Variants in OR51B5 observed in about 807,000 individuals in gnomAD.
OR51B5 encodes olfactory receptor 51B5.
For missense variants in OR51B5, 456 were observed against 374.6 expected (o/e 1.22, Z -1.79); for synonymous variants, 186 against 144.8 (o/e 1.28, Z -2.04).
At chr11:5,383,321 G>A (rs1034312037) in intron 1 of OR51B5, among the ~76,000 whole-genome samples, 2 of 152,064 alleles carry the variant, frequency 1.3e-5, no homozygotes, top group Non-Finnish European at 2.9e-5. Flanking sequence ...CAGAGATGGA[G>A]GGCAATTTAA....
chr11:5,383,324 C>T (rs369786952), intron 1 of OR51B5, among the ~76,000 whole-genome samples: 11 of 152,070 alleles, frequency 7.2e-5, no homozygotes, highest in Non-Finnish European at 1.6e-4. Context: ...AGATGGAGGG[C>T]AATTTAATTA....
At chr11:5,383,297 G>A (rs142648651) in intron 1 of OR51B5, among the ~76,000 whole-genome samples, 48 of 152,278 alleles carry the variant, frequency 3.2e-4, no homozygotes, top group African/African-American at 1.1e-3. Context: ...TAGGTCCAAA[G>A]ATATAGAGGC....
intron 1 of OR51B5, among the ~76,000 whole-genome samples, chr11:5,382,476 C>T (rs1047953169): frequency 6.6e-6 from 1 of 152,160 alleles, no homozygotes; most frequent in Non-Finnish European, 1.5e-5. Context: ...GTGATAGATG[C>T]CCCTGAATAA....
At chr11:5,378,031 G>A (rs915637874) in intron 1 of OR51B5, among the ~76,000 whole-genome samples, 10 of 89,138 alleles carry the variant, frequency 1.1e-4, no homozygotes, top group African/African-American at 1.9e-4. Context: ...GAACAAAGCT[G>A]GAGGCATCAG....
At chr11:5,469,609 C>T (rs1331406281) in intron 1 of OR51B5, among the ~76,000 whole-genome samples, 1 of 152,182 alleles carries the variant, frequency 6.6e-6, no homozygotes, top group Non-Finnish European at 1.5e-5. Context: ...TATAGCCTGG[C>T]AGCACCCTTA....
intron 1 of OR51B5, among the ~76,000 whole-genome samples, chr11:5,420,296 T>C (rs974205850): frequency 6.6e-6 from 1 of 152,222 alleles, no homozygotes; most frequent in East Asian, 1.9e-4. Flanking sequence ...CTTATTTGCA[T>C]AGCATGTTGT....
intron 1 of OR51B5, among the ~76,000 whole-genome samples, chr11:5,350,566 A>T (rs1849064006): frequency 6.6e-6 from 1 of 152,134 alleles, no homozygotes; most frequent in South Asian, 2.1e-4. Flanking sequence ...CACTTTTGTC[A>T]AATCCCATCA....
At chr11:5,455,211 A>G (rs541366351) in intron 1 of OR51B5, 1 of 152,280 alleles carries the variant, frequency 6.6e-6, no homozygotes, top group East Asian at 1.9e-4. Flanking sequence ...GAAATATCTG[A>G]CTCATAGAAT....
At chr11:5,454,546 A>T in intron 1 of OR51B5, 1 of 792,638 alleles carries the variant, frequency 1.3e-6, no homozygotes, top group Non-Finnish European at 2.0e-6. Flanking sequence ...AGGCCAGGAG[A>T]TGGTGATGCA....
chr11:5,356,075 T>G (rs1388933520), intron 1 of OR51B5, among the ~76,000 whole-genome samples: 1 of 151,974 alleles, frequency 6.6e-6, no homozygotes, highest in African/African-American at 2.4e-5. Context: ...GTGCCTCTCC[T>G]CCTCCAAAGG....
At chr11:5,375,097 C>T (rs1376279951) in intron 1 of OR51B5, among the ~76,000 whole-genome samples, 1 of 150,092 alleles carries the variant, frequency 6.7e-6, no homozygotes, top group Non-Finnish European at 1.5e-5. Context: ...GGTCGGGTTA[C>T]CCACAAAGGG....
chr11:5,504,508 C>T lies in OR51B5; in HGVS notation n.84+1061G>A, dbSNP rs1354003279. Among the ~76,000 whole-genome samples, 5 of 152,170 alleles carry T rather than the reference C, an allele frequency of 3.3e-5. No individual in the cohort carries two copies. In the East Asian group the frequency reaches 7.7e-4, roughly 23 times the overall value. ...ACTCAGATTTGATCTTGGGCCATGG[C>T]TGATAGAGTGTAAGAACAGGGACAG... On this transcript the variant is annotated intron_variant and non_coding_transcript_variant, in intron 1 of 4. Transcript: ENST00000415970.
chr11:5,474,106 T>A (rs886795478), intron 1 of OR51B5, among the ~76,000 whole-genome samples: 16 of 152,314 alleles, frequency 1.1e-4, no homozygotes, highest in Admixed American at 9.8e-4. Context: ...AAATAATTAC[T>A]ATTTATTGAT....
At chr11:5,358,174 A>C (rs1849223488) in intron 1 of OR51B5, among the ~76,000 whole-genome samples, 1 of 152,184 alleles carries the variant, frequency 6.6e-6, no homozygotes, top group Non-Finnish European at 1.5e-5. Context: ...AGACACAAAA[A>C]AACCCTTCAA....
intron 1 of OR51B5, chr11:5,489,342 G>C: frequency 6.2e-7 from 1 of 1,614,028 alleles, no homozygotes; most frequent in South Asian, 1.1e-5. Context: ...CCATGGGACT[G>C]GATTCCATTC....
At chr11:5,495,486 G>A (rs1340218959) in intron 1 of OR51B5, among the ~76,000 whole-genome samples, 2 of 152,082 alleles carry the variant, frequency 1.3e-5, no homozygotes, top group Non-Finnish European at 2.9e-5. Context: ...GTAAGTAAAT[G>A]TAGAGTTTTT....
intron 1 of OR51B5, among the ~76,000 whole-genome samples, chr11:5,413,246 TAACA>T (rs917471366): frequency 1.3e-5 from 2 of 151,938 alleles, no homozygotes; most frequent in Non-Finnish European, 2.9e-5. Flanking sequence ...GAAGGAAAAC[TAACA>T]AACAGAAAGG....
chr11:5,421,948 T>TA (rs1850345151), intron 1 of OR51B5, among the ~76,000 whole-genome samples: 2 of 152,084 alleles, frequency 1.3e-5, no homozygotes, highest in Non-Finnish European at 2.9e-5. Flanking sequence ...CAGGAAAAAT[T>TA]AGAGTTACCC....
chr11:5,389,700 C>T, intron 1 of OR51B5: 1 of 1,613,742 alleles, frequency 6.2e-7, no homozygotes, highest in Non-Finnish European at 8.5e-7. Flanking sequence ...TGGTTTAACT[C>T]CCATAGTATC....
Sources: gnomAD v4.1 joint callset for allele counts (sites outside exome capture counted in the v4.1 genomes callset) on GRCh38, gnomAD v4.1.1 for gene constraint, MANE v1.5 for transcripts, NCBI Gene and HGNC (gene_info 2026-07-23, HGNC 2026-07-21) for gene names.